The following CHRDL1 variants were observed in gnomAD, a reference collection of about 807,000 sequenced individuals.
The protein encoded by CHRDL1 is chordin like 1, also known as chordin-like protein 1.
A neutral mutation model predicts 40.9 loss-of-function variants in CHRDL1; 19 were observed. That is an observed-to-expected ratio of 0.46 (90% CI 0.32 to 0.68). The LOEUF is 0.68. Among genes scored for constraint, CHRDL1 ranks in the 30% least tolerant of loss-of-function variants. The probability of loss-of-function intolerance (pLI) is 0.03; values close to 1 mark genes in which losing one functional copy is unlikely to be tolerated. For synonymous variants in CHRDL1, 136 were observed against 123.4 expected (o/e 1.10, Z -0.68); for missense variants, 329 against 352.1 (o/e 0.93, Z 0.53).
intron 11 of CHRDL1, among the ~76,000 whole-genome samples, chrX:110,677,074 T>C (rs1186426676): frequency 9.0e-6 from 1 of 110,843 alleles, no homozygotes; most frequent in Non-Finnish European, 1.9e-5. Context: ...CTTCTTTTTA[T>C]TCCTGTGCTC....
chrX:110,750,643 C>G (rs982564708), intron 4 of CHRDL1, among the ~76,000 whole-genome samples: 1 of 111,820 alleles, frequency 8.9e-6, no homozygotes, highest in African/African-American at 3.3e-5. Flanking sequence ...GGGCTAATTC[C>G]GAGAAATGCC....
chrX:110,785,855 G>T (rs2090009041), intron 2 of CHRDL1, among the ~76,000 whole-genome samples: 1 of 112,056 alleles, frequency 8.9e-6, no homozygotes, highest in African/African-American at 3.2e-5. Context: ...CAGTCTAGTA[G>T]ACATATTAAA....
intron 2 of CHRDL1, among the ~76,000 whole-genome samples, chrX:110,784,738 C>T (rs1304845238): frequency 1.8e-5 from 2 of 111,359 alleles, no homozygotes; most frequent in Admixed American, 9.6e-5. Flanking sequence ...TGGGCAAACC[C>T]ATCGAAAAGA....
At chrX:110,786,796 G>C (rs1001507163) in intron 2 of CHRDL1, among the ~76,000 whole-genome samples, 4 of 112,185 alleles carry the variant, frequency 3.6e-5, no homozygotes, top group African/African-American at 9.7e-5. Flanking sequence ...AAAATTTTTA[G>C]TCCTTGTCTC....
chrX:110,770,974 C>G (rs1219989868), intron 2 of CHRDL1, among the ~76,000 whole-genome samples: 1 of 110,366 alleles, frequency 9.1e-6, no homozygotes, highest in Non-Finnish European at 1.9e-5. Context: ...TGGTAAAACC[C>G]TGTCTCTATT....
At chrX:110,772,385 T>G (rs2089774785) in intron 2 of CHRDL1, among the ~76,000 whole-genome samples, 1 of 113,060 alleles carries the variant, frequency 8.8e-6, no homozygotes, top group African/African-American at 3.2e-5. Context: ...ATGCCTGTAA[T>G]CCCAGCACGT....
intron 1 of CHRDL1, among the ~76,000 whole-genome samples, chrX:110,795,497 C>T (rs962349162): frequency 9.0e-5 from 10 of 111,265 alleles, no homozygotes; most frequent in African/African-American, 3.3e-4. Context: ...AAATGCAGGC[C>T]GAGTGGGGAG....
At chrX:110,694,779 C>A (rs1324935237) in intron 7 of CHRDL1, among the ~76,000 whole-genome samples, 2 of 111,998 alleles carry the variant, frequency 1.8e-5, no homozygotes, top group Non-Finnish European at 3.8e-5. Flanking sequence ...TTGGGGAGGG[C>A]TTGTGACCTG....
At chrX:110,776,971 C>A (rs957242158) in intron 2 of CHRDL1, among the ~76,000 whole-genome samples, 5 of 111,043 alleles carry the variant, frequency 4.5e-5, no homozygotes, top group Non-Finnish European at 9.5e-5. Flanking sequence ...ATTTTACTGC[C>A]CTAAAAATAT....
rs148146635 is a variant in CHRDL1 at position 110,734,426 on chromosome X, C to T, written c.302-12896G>A. On this transcript the variant is annotated intron_variant, in intron 4 of 11. Coordinates refer to ENST00000372042, the MANE Select transcript of CHRDL1 (RefSeq NM_001143981.2). The stretch of plus-strand genomic sequence containing the variant: ...ATGTTCTTTCCTGTCAAAATTTCTT[C>T]TTCCACTTTACTGAACAGCTTTATC... 7.3e-3 allele frequency among the ~76,000 whole-genome samples: 812 copies of T among 111,993 alleles called. 24 individuals carry two copies. Among genetic ancestry groups the T allele is most frequent in the Admixed American group, 0.053 (563 of 10,530 alleles).
intron 4 of CHRDL1, among the ~76,000 whole-genome samples, chrX:110,733,043 A>AAG (rs2071195984): frequency 8.9e-6 from 1 of 112,461 alleles, no homozygotes; most frequent in Non-Finnish European, 1.9e-5. Context: ...GATTATGATT[A>AAG]TCTCCCTGCT....
At position 110,681,554 on chromosome X, in the gene CHRDL1, T is replaced by A. The variant is rs1239481621; in HGVS notation, c.1084A>T (p.Thr362Ser). The change falls in exon 10 of 12, where the codon ACA becomes TCA. Residue 362 changes from threonine to serine, a missense_variant. Coordinates refer to ENST00000372042, the MANE Select transcript of CHRDL1 (RefSeq NM_001143981.2). ...GTCTCCAGTGCTATTTTTCTGGTTG[T>A]CTCCCCATCCTCCATGAATACAGAC... is the stretch of plus-strand genomic sequence containing the variant. Reference protein sequence around the residue: ...YESVFMEDGETTRKIALETER... With the variant: ...YESVFMEDGESTRKIALETER... The A allele has an allele frequency of 1.7e-6, 2 of 1,204,063 alleles. No homozygotes were observed. The highest frequency in any genetic ancestry group is 4.4e-5 in the Admixed American group (2 of 45,670).
At chrX:110,677,292 CA>C (rs1469954902) in intron 11 of CHRDL1, among the ~76,000 whole-genome samples, 1 of 110,888 alleles carries the variant, frequency 9.0e-6, no homozygotes, top group Non-Finnish European at 1.9e-5. Context: ...GAAGGAAAAA[CA>C]AAAAAACAAG....
At chrX:110,744,449 A>C (rs1366865693) in intron 4 of CHRDL1, among the ~76,000 whole-genome samples, 2 of 111,055 alleles carry the variant, frequency 1.8e-5, no homozygotes, top group African/African-American at 6.6e-5. Context: ...CTCTGGCCCT[A>C]GTGCTGTGGT....
rs566306925 is a variant in CHRDL1 at position 110,781,898 on chromosome X, C to G, written c.94+10190G>C. 1.9e-4 allele frequency among the ~76,000 whole-genome samples: 21 copies of G among 112,002 alleles called. No homozygotes were observed. The South Asian group carries it at 7.9e-3, about 42-fold the overall frequency. ...ATTTCACTGACACTATTAAATGGAT[C>G]GCTTCAGTATATGTGAGTTCACCAT... On this transcript the variant is annotated intron_variant, in intron 2 of 11. Coordinates refer to ENST00000372042, the MANE Select transcript of CHRDL1 (RefSeq NM_001143981.2).
chrX:110,687,093 C>T (rs1265060471), intron 9 of CHRDL1, among the ~76,000 whole-genome samples: 4 of 110,376 alleles, frequency 3.6e-5, no homozygotes, highest in African/African-American at 6.6e-5. Flanking sequence ...CAGTGCTTCT[C>T]AAGCTGTAAT....
intron 2 of CHRDL1, among the ~76,000 whole-genome samples, chrX:110,784,137 A>T (rs770453985): frequency 8.9e-6 from 1 of 111,828 alleles, no homozygotes; most frequent in Non-Finnish European, 1.9e-5. Context: ...CTCTTCTGTC[A>T]TTTATCAAAC....
At chrX:110,756,483 G>A (rs2089454672) in intron 4 of CHRDL1, among the ~76,000 whole-genome samples, 1 of 110,505 alleles carries the variant, frequency 9.0e-6, no homozygotes. Context: ...GATTGTCCAA[G>A]TTAGGCAGTT....
chrX:110,699,515 C>G (rs974124039), intron 7 of CHRDL1, among the ~76,000 whole-genome samples: 1 of 112,109 alleles, frequency 8.9e-6, no homozygotes, highest in Non-Finnish European at 1.9e-5. Flanking sequence ...AGGAAAACAT[C>G]AAATTATACA....
Sources: gnomAD v4.1 joint callset for allele counts (sites outside exome capture counted in the v4.1 genomes callset) on GRCh38, gnomAD v4.1.1 for gene constraint, MANE v1.5 for transcripts, NCBI Gene and HGNC (gene_info 2026-07-23, HGNC 2026-07-21) for gene names.